Variants in SV2C observed in about 807,000 individuals in gnomAD.
SV2C encodes solute carrier family 22 member B3.
A neutral mutation model predicts 79.7 loss-of-function variants in SV2C; 49 were observed. That is an observed-to-expected ratio of 0.61 (90% confidence interval 0.49 to 0.78). SV2C has a LOEUF of 0.78. SV2C is among the 30% of genes least tolerant of loss of function. The pLI is 0.00. For missense variants in SV2C, 833 were observed against 912.9 expected (o/e 0.91, Z 1.13); for synonymous variants, 334 against 333.2 (o/e 1.00, Z -0.03).
At chr5:76,071,007 C>T in the SV2C span, among the ~76,000 whole-genome samples, 2 of 152,146 alleles carry the variant, frequency 1.3e-5, no homozygotes, top group African/African-American at 2.4e-5. Flanking sequence ...AAGATGGAAC[C>T]CACCATACTT....
In SV2C at chr5:76,209,921, A is replaced by G. The variant is rs554705272; in HGVS notation, c.913+34A>G. ...CTGGCCTTGCCCCAGCTGGGCAGTCACTTCATTTTGCTTCAGGCTCCATTC... is the reference window on the plus strand; with the variant it reads ...CTGGCCTTGCCCCAGCTGGGCAGTCGCTTCATTTTGCTTCAGGCTCCATTC... On this transcript the variant is annotated intron_variant, in intron 4 of 12. Coordinates refer to ENST00000502798, the MANE Select transcript of SV2C (RefSeq NM_014979.4). 5 of 1,582,384 alleles carry G rather than the reference A, an allele frequency of 3.2e-6. No individual in the cohort carries two copies. The African/African-American group carries it at 6.7e-5, about 21-fold the overall frequency.
intron 4 of SV2C, among the ~76,000 whole-genome samples, chr5:76,239,512 T>C (rs977187297): frequency 2.0e-5 from 3 of 152,212 alleles, no homozygotes; most frequent in African/African-American, 4.8e-5. Context: ...ACCTGGGGTC[T>C]TTGCTGGCAG....
chr5:76,209,249 G>A (rs1580355030), intron 3 of SV2C, among the ~76,000 whole-genome samples: 1 of 152,144 alleles, frequency 6.6e-6, no homozygotes, highest in African/African-American at 2.4e-5. Flanking sequence ...GTGCTGCTGT[G>A]GGGTAGCAGT....
At chr5:76,224,833 AC>A (rs1324662962) in intron 4 of SV2C, among the ~76,000 whole-genome samples, 6 of 152,188 alleles carry the variant, frequency 3.9e-5, no homozygotes, top group African/African-American at 1.2e-4. Context: ...ATTTGCAAGG[AC>A]TAAGCCAAAC....
At chr5:76,248,580 C>G (rs1746017734) in intron 4 of SV2C, among the ~76,000 whole-genome samples, 1 of 151,628 alleles carries the variant, frequency 6.6e-6, no homozygotes, top group Non-Finnish European at 1.5e-5. Flanking sequence ...TAACAGCAGC[C>G]ATCTTTCTAG....
chr5:76,174,685 A>G (rs114719640), intron 2 of SV2C, among the ~76,000 whole-genome samples: 11 of 152,354 alleles, frequency 7.2e-5, no homozygotes, highest in Admixed American at 1.3e-4. Flanking sequence ...AAAAAATGTA[A>G]AAAAGAATGC....
the SV2C span, among the ~76,000 whole-genome samples, chr5:75,896,110 T>C: frequency 6.6e-5 from 10 of 151,986 alleles, no homozygotes; most frequent in Non-Finnish European, 1.5e-4. Context: ...ATGTGCACAA[T>C]GTGCAGGTTT....
At chr5:76,239,447 T>G (rs189021817) in intron 4 of SV2C, among the ~76,000 whole-genome samples, 1 of 152,356 alleles carries the variant, frequency 6.6e-6, no homozygotes, top group East Asian at 1.9e-4. Context: ...ATGGTTTCTC[T>G]GGGTCAGGAA....
chr5:76,013,926 T>G, the SV2C span, among the ~76,000 whole-genome samples: 2,846 of 152,228 alleles, frequency 0.019, 82 homozygotes, highest in African/African-American at 0.064. Flanking sequence ...CTGGAAAATT[T>G]AATAAATATA....
intron 12 of SV2C, among the ~76,000 whole-genome samples, chr5:76,351,131 C>T (rs1206018143): frequency 6.6e-6 from 1 of 152,086 alleles, no homozygotes; most frequent in Non-Finnish European, 1.5e-5. Flanking sequence ...TTTCTGGAGG[C>T]GGCCATTGAC....
the SV2C span, among the ~76,000 whole-genome samples, chr5:75,900,972 A>C: frequency 1.3e-4 from 20 of 152,198 alleles, no homozygotes; most frequent in African/African-American, 4.8e-4. Context: ...TGGTTATTCT[A>C]GTTATACATT....
At chr5:76,196,347 T>TG (rs1279777562) in intron 3 of SV2C, among the ~76,000 whole-genome samples, 1 of 152,008 alleles carries the variant, frequency 6.6e-6, no homozygotes, top group Non-Finnish European at 1.5e-5. Context: ...ATTTTGTTCT[T>TG]GGGGAAAAAA....
intron 12 of SV2C, among the ~76,000 whole-genome samples, chr5:76,321,565 C>T (rs1466355883): frequency 6.6e-6 from 1 of 151,750 alleles, no homozygotes; most frequent in African/African-American, 2.4e-5. Context: ...TATGATGAAA[C>T]CCCATCTCTA....
the SV2C span, among the ~76,000 whole-genome samples, chr5:75,964,953 G>A: frequency 6.6e-6 from 1 of 152,076 alleles, no homozygotes; most frequent in Non-Finnish European, 1.5e-5. Context: ...AAAATGTTTA[G>A]CATCCCAATA....
At chr5:76,225,613 A>T (rs1745212940) in intron 4 of SV2C, among the ~76,000 whole-genome samples, 1 of 152,106 alleles carries the variant, frequency 6.6e-6, no homozygotes, top group Non-Finnish European at 1.5e-5. Flanking sequence ...GCTCTTGTGT[A>T]ATCTAGTGGT....
At chr5:75,924,441 T>TCTTATAAGA in the SV2C span, among the ~76,000 whole-genome samples, 1 of 152,164 alleles carries the variant, frequency 6.6e-6, no homozygotes, top group South Asian at 2.1e-4. Flanking sequence ...TATTTCTTAG[T>TCTTATAAGA]CAAACCTTTT....
At chr5:76,140,737 A>C (rs187731716) in intron 2 of SV2C, among the ~76,000 whole-genome samples, 67 of 152,260 alleles carry the variant, frequency 4.4e-4, no homozygotes, top group Middle Eastern at 3.4e-3. Flanking sequence ...GTGTGGCCTA[A>C]ATTTTAAGAC....
chr5:76,312,775 C>A (rs886931826), intron 12 of SV2C, among the ~76,000 whole-genome samples: 1 of 152,220 alleles, frequency 6.6e-6, no homozygotes. Context: ...TGCACAGTTT[C>A]AGACATGAGG....
chr5:75,929,309 C>T, the SV2C span, among the ~76,000 whole-genome samples: 1 of 152,012 alleles, frequency 6.6e-6, no homozygotes, highest in Non-Finnish European at 1.5e-5. Context: ...GTTCATACTC[C>T]ACAGTCAGGA....
Sources: allele counts gnomAD v4.1 joint callset (sites outside exome capture counted in the v4.1 genomes callset), GRCh38; gene constraint gnomAD v4.1.1; transcripts MANE v1.5; gene names NCBI Gene and HGNC (gene_info 2026-07-23, HGNC 2026-07-21).